Variants in FMNL2 observed in about 807,000 individuals in gnomAD.
FMNL2 encodes the protein formin like 2.
Under a neutral mutation model 130.2 loss-of-function variants are expected in FMNL2, and 51 were observed. The observed-to-expected ratio is 0.39, with a 90% confidence interval of 0.31 to 0.49. The LOEUF is 0.49. Among genes scored for constraint, FMNL2 ranks in the 20% least tolerant of loss-of-function variants. FMNL2 has a pLI of 0.85. For synonymous variants in FMNL2, 465 were observed against 467.1 expected, an observed-to-expected ratio of 1.00 and a Z score of 0.06; for missense variants, 977 against 1,316.2, an observed-to-expected ratio of 0.74 and a Z score of 3.99.
chr2:152,490,569 ATGTGTGTGTGTGTG>A (rs58838989), intron 1 of FMNL2, among the ~76,000 whole-genome samples: 224 of 108,562 alleles, frequency 2.1e-3, no homozygotes, highest in African/African-American at 6.8e-3. Context: ...TTGCTATCCA[ATGTGTGTGTGTGTG>A]TGTGTGTGTG....
intron 1 of FMNL2, chr2:152,390,102 G>T: frequency 7.0e-7 from 1 of 1,425,174 alleles, no homozygotes; most frequent in South Asian, 1.1e-5. Flanking sequence ...AGATGAGGAG[G>T]ACAAAGGAAA....
At chr2:152,596,692 G>A (rs1260466097) in intron 9 of FMNL2, among the ~76,000 whole-genome samples, 3 of 152,208 alleles carry the variant, frequency 2.0e-5, no homozygotes, top group African/African-American at 7.2e-5. Context: ...AGATTGACTC[G>A]TAGAAGATAG....
chr2:152,646,063 G>A (rs1219839469), intron 25 of FMNL2, among the ~76,000 whole-genome samples: 1 of 151,016 alleles, frequency 6.6e-6, no homozygotes, highest in African/African-American at 2.4e-5. Flanking sequence ...GCTCACACCT[G>A]TAATCTGTAA....
At chr2:152,478,244 ATATATAT>A (rs1447994261) in intron 1 of FMNL2, among the ~76,000 whole-genome samples, 647 of 38,492 alleles carry the variant, frequency 0.017, 1 homozygote, top group African/African-American at 0.037. Flanking sequence ...ATATATATAT[ATATATAT>A]TTTTTTTTTT....
At chr2:152,430,072 A>G (rs1687418257) in intron 1 of FMNL2, among the ~76,000 whole-genome samples, 1 of 152,226 alleles carries the variant, frequency 6.6e-6, no homozygotes, top group Non-Finnish European at 1.5e-5. Flanking sequence ...AAACCAACAA[A>G]CAAAAAAAGC....
At chr2:152,413,138 G>C (rs1686413907) in intron 1 of FMNL2, among the ~76,000 whole-genome samples, 1 of 152,102 alleles carries the variant, frequency 6.6e-6, no homozygotes, top group Non-Finnish European at 1.5e-5. Context: ...AGTTTTTGGG[G>C]GTGGGCAGGT....
At chr2:152,558,895 A>T in intron 5 of FMNL2, 72 bp downstream of exon 5, 1 of 1,339,686 alleles carries the variant, frequency 7.5e-7, no homozygotes, top group South Asian at 1.2e-5. Context: ...TGGTAAAATT[A>T]TACACCACAG....
intron 1 of FMNL2, among the ~76,000 whole-genome samples, chr2:152,401,215 A>G (rs1685675205): frequency 6.6e-6 from 1 of 152,202 alleles, no homozygotes; most frequent in Non-Finnish European, 1.5e-5. Flanking sequence ...ATCAGTTTCA[A>G]AAAGTATTAT....
chr2:152,628,372 A>G lies in FMNL2; in HGVS notation c.2239A>G (p.Lys747Glu). 1 of 1,614,040 alleles carries G rather than the reference A, an allele frequency of 6.2e-7. No homozygotes were observed. The highest frequency in any genetic ancestry group is 1.1e-5 in the South Asian group (1 of 91,080). ...MRFLPTENEV[K>E]VLRLYERERK... Reference sequence around the variant, plus strand: ...GTTCCTACCAACTGAGAATGAAGTGAAAGTGCTTCGGCTCTACGAGCGGGA... The same window carrying G: ...GTTCCTACCAACTGAGAATGAAGTGGAAGTGCTTCGGCTCTACGAGCGGGA... The change falls in exon 18 of 26, where the codon AAA becomes GAA. Residue 747 changes from lysine to glutamate, a missense_variant. Physicochemically the swap from Lys to Glu is moderately conservative, Grantham distance 56 (BLOSUM62 1). This residue lies in a region of FMNL2 where 689 missense variants were observed against 995.9 expected (regional missense o/e 0.69). Transcript: ENST00000288670.
At chr2:152,392,728 G>A (rs949078493) in intron 1 of FMNL2, among the ~76,000 whole-genome samples, 1 of 152,092 alleles carries the variant, frequency 6.6e-6, no homozygotes, top group Non-Finnish European at 1.5e-5. Context: ...CTAAATTTTG[G>A]AAGGGACACA....
chr2:152,412,582 A>G (rs1245189180), intron 1 of FMNL2, among the ~76,000 whole-genome samples: 1 of 149,726 alleles, frequency 6.7e-6, no homozygotes, highest in African/African-American at 2.5e-5. Context: ...AGAGGTGGGC[A>G]GATTGCTTTA....
intron 1 of FMNL2, among the ~76,000 whole-genome samples, chr2:152,382,567 T>A (rs1010452573): frequency 1.3e-5 from 2 of 152,154 alleles, no homozygotes; most frequent in African/African-American, 2.4e-5. Flanking sequence ...GCTTCAACTT[T>A]TAACTGCATT....
At chr2:152,388,097 T>G (rs933500214) in intron 1 of FMNL2, among the ~76,000 whole-genome samples, 8 of 152,242 alleles carry the variant, frequency 5.3e-5, no homozygotes, top group Admixed American at 1.3e-4. Flanking sequence ...AAATTCTTGC[T>G]CTGTTTATTT....
chr2:152,446,813 C>T (rs1248112566), intron 1 of FMNL2, among the ~76,000 whole-genome samples: 3 of 152,166 alleles, frequency 2.0e-5, no homozygotes, highest in Non-Finnish European at 4.4e-5. Flanking sequence ...TTTCTGTATA[C>T]CATTATAGAT....
At chr2:152,389,653 A>G (rs576508714) in intron 1 of FMNL2, among the ~76,000 whole-genome samples, 103 of 152,334 alleles carry the variant, frequency 6.8e-4, no homozygotes, top group Non-Finnish European at 1.3e-3. Flanking sequence ...CGCAGACCTC[A>G]GGACGTGGAT....
At chr2:152,556,702 T>C (rs1048626013) in intron 4 of FMNL2, among the ~76,000 whole-genome samples, 8 of 152,194 alleles carry the variant, frequency 5.3e-5, no homozygotes, top group East Asian at 1.9e-4. Flanking sequence ...TGCCTGCCAG[T>C]AGTTGACACA....
At chr2:152,352,751 G>A (rs1298433515) in intron 1 of FMNL2, among the ~76,000 whole-genome samples, 1 of 151,352 alleles carries the variant, frequency 6.6e-6, no homozygotes, top group Non-Finnish European at 1.5e-5. Flanking sequence ...TCCTCTGAAG[G>A]CTTTCTGAAG....
At chr2:152,536,026 A>G (rs564461708) in intron 2 of FMNL2, among the ~76,000 whole-genome samples, 1 of 152,280 alleles carries the variant, frequency 6.6e-6, no homozygotes, top group East Asian at 1.9e-4. Context: ...ATCCAGGTCT[A>G]TTTGTGTAAA....
At chr2:152,410,597 A>C (rs1281370449) in intron 1 of FMNL2, among the ~76,000 whole-genome samples, 1 of 152,150 alleles carries the variant, frequency 6.6e-6, no homozygotes, top group Non-Finnish European at 1.5e-5. Context: ...CTAAATCTTG[A>C]ATTTGGTACT....
Sources: allele counts gnomAD v4.1 joint callset (sites outside exome capture counted in the v4.1 genomes callset), GRCh38; gene constraint gnomAD v4.1.1; regional missense constraint gnomAD v4.1.1; transcripts MANE v1.5; gene names NCBI Gene and HGNC (gene_info 2026-07-23, HGNC 2026-07-21).